Variants in RUNX1T1 observed in about 807,000 individuals in gnomAD.
RUNX1T1 encodes protein CBFA2T1.
A neutral mutation model predicts 62.8 loss-of-function variants in RUNX1T1; 4 were observed. That is an observed-to-expected ratio of 0.06 (90% CI 0.03 to 0.15). The LOEUF is 0.15. Ranked by LOEUF, RUNX1T1 falls within the 10% of genes least tolerant of loss-of-function variation. RUNX1T1 has a pLI of 1.00. For missense variants in RUNX1T1, 508 were observed against 754.3 expected (o/e 0.67, Z 3.82); for synonymous variants, 291 against 286.0 (o/e 1.02, Z -0.18).
intron 1 of RUNX1T1, among the ~76,000 whole-genome samples, chr8:92,059,145 A>G (rs1831501329): frequency 6.6e-6 from 1 of 152,206 alleles, no homozygotes. Context: ...ATCTACATTT[A>G]TAATTGGGTA....
chr8:91,959,459 T>TGC (rs1809953009), exon 11 of RUNX1T1: 1 of 124,308 alleles, frequency 8.0e-6, no homozygotes, highest in African/African-American at 6.8e-5. Flanking sequence ...TGTGTGTGTG[T>TGC]GTGTGTGTAT....
intron 1 of RUNX1T1, among the ~76,000 whole-genome samples, chr8:92,036,045 G>A (rs888053036): frequency 6.6e-6 from 1 of 152,050 alleles, no homozygotes; most frequent in Non-Finnish European, 1.5e-5. Context: ...CTGTAAATAT[G>A]GGTATATATG....
At chr8:92,044,491 G>C (rs999668497) in intron 1 of RUNX1T1, among the ~76,000 whole-genome samples, 15 of 152,194 alleles carry the variant, frequency 9.9e-5, no homozygotes, top group African/African-American at 3.6e-4. Context: ...GTCTATCCAA[G>C]AGATGGCAAA....
At chr8:92,065,322 T>C (rs1832716330), upstream of RUNX1T1, among the ~76,000 whole-genome samples, 1 of 152,190 alleles carries the variant, frequency 6.6e-6, no homozygotes, top group Non-Finnish European at 1.5e-5. Flanking sequence ...AAAAGTTTTC[T>C]CCAGTACAAA....
At chr8:91,960,697 G>A (rs1810248038) in intron 10 of RUNX1T1, among the ~76,000 whole-genome samples, 180 bp from the exon 12 acceptor site, 1 of 152,164 alleles carries the variant, frequency 6.6e-6, no homozygotes, top group African/African-American at 2.4e-5. Context: ...GGTTTTGATG[G>A]GATGGTTGTC....
In RUNX1T1 at chr8:92,083,063, A is replaced by G. The variant is rs528911779; in HGVS notation, c.-85-6926T>C. The stretch of plus-strand genomic sequence containing the variant: ...TCATAAAAATGTCCATATACATAAA[A>G]TTTTGCTTATAATTTCAAGAAGCTT... On this transcript the variant is annotated intron_variant, in intron 1 of 11. Transcript: ENST00000265814. Among the ~76,000 whole-genome samples, 4 of 152,304 alleles carry G rather than the reference A, an allele frequency of 2.6e-5. No homozygotes were observed. In the South Asian group the frequency reaches 8.3e-4, roughly 32 times the overall value.
At position 92,060,551 on chromosome 8, in the gene RUNX1T1, ATATG is replaced by A. The variant is rs1240995061; in HGVS notation, c.7+1991_7+1994del. Among the ~76,000 whole-genome samples the A allele has an allele frequency of 5.8e-3, 552 of 95,212 alleles. 3 individuals are homozygous for A. Among genetic ancestry groups the A allele is most frequent in the East Asian group, 0.02 (67 of 3,298 alleles). The allele number at this position is 95,212 out of a possible 152,430, so 62.5% of individuals were successfully genotyped here. A position where few individuals can be genotyped will look rare whatever the true frequency, so the allele number is the denominator to read the frequency against. The stretch of plus-strand genomic sequence containing the variant: ...TATATATATATATATATATATATAT[ATATG>A]TGTGTGTGTGTGTGTGTGTGTGTGT... On this transcript the variant is annotated intron_variant, in intron 1 of 10. Transcript: ENST00000396218.
At chr8:92,050,418 T>C (rs1296381872) in intron 1 of RUNX1T1, among the ~76,000 whole-genome samples, 2 of 152,212 alleles carry the variant, frequency 1.3e-5, no homozygotes, top group African/African-American at 4.8e-5. Context: ...AGTTTTATTA[T>C]GATCCCTATG....
intron 2 of RUNX1T1, among the ~76,000 whole-genome samples, chr8:92,016,126 T>C (rs1822948185): frequency 6.6e-6 from 1 of 152,226 alleles, no homozygotes; most frequent in African/African-American, 2.4e-5. Flanking sequence ...GTGTGCAAAA[T>C]AGCTGCAACC....
At chr8:92,007,643 T>C (rs920109430) in intron 4 of RUNX1T1, among the ~76,000 whole-genome samples, 8 of 152,132 alleles carry the variant, frequency 5.3e-5, no homozygotes, top group Admixed American at 2.0e-4. Context: ...GCTATAAACA[T>C]GTACAGCATG....
chr8:92,001,204 T>A (rs937110758), intron 5 of RUNX1T1, among the ~76,000 whole-genome samples: 2 of 152,032 alleles, frequency 1.3e-5, no homozygotes, highest in African/African-American at 4.8e-5. Flanking sequence ...ATCCATAAAT[T>A]TAAAATATGT....
chr8:91,975,994 GGGTGGAGAGA>G, intron 8 of RUNX1T1, 21 bp from the exon 10 acceptor site: 2 of 1,586,362 alleles, frequency 1.3e-6, no homozygotes, highest in South Asian at 1.1e-5. Context: ...GATGGGAAGG[GGGTGGAGAGA>G]GGAGGAGAGT....
intron 5 of RUNX1T1, among the ~76,000 whole-genome samples, chr8:92,002,266 T>C (rs1819903181): frequency 6.6e-6 from 1 of 152,112 alleles, no homozygotes; most frequent in Non-Finnish European, 1.5e-5. Context: ...CAGTAACACT[T>C]GTTCAGAGAC....
intron 8 of RUNX1T1, among the ~76,000 whole-genome samples, chr8:91,981,403 G>GTTT (rs1815212744): frequency 1.9e-5 from 2 of 106,186 alleles, no homozygotes; most frequent in African/African-American, 3.6e-5. Context: ...AAGTTACTAA[G>GTTT]CTTTTTTTTT....
At chr8:91,972,804 T>C (rs1197559009) in intron 9 of RUNX1T1, among the ~76,000 whole-genome samples, 1 of 152,088 alleles carries the variant, frequency 6.6e-6, no homozygotes, top group African/African-American at 2.4e-5. Flanking sequence ...GCAAGGTGCT[T>C]GAATATTTAT....
chr8:92,026,077 C>T (rs1415101624), intron 1 of RUNX1T1, among the ~76,000 whole-genome samples: 1 of 152,176 alleles, frequency 6.6e-6, no homozygotes, highest in Non-Finnish European at 1.5e-5. Context: ...CAAAGACATA[C>T]TTTTTTCTAC....
intron 1 of RUNX1T1, chr8:92,081,301 A>G: frequency 1.1e-6 from 1 of 915,396 alleles, no homozygotes; most frequent in Non-Finnish European, 1.3e-6. Context: ...ATACTAGAAA[A>G]GAGGTAGTAC....
rs147175590 is a variant in RUNX1T1, at chr8:92,005,149, A to G, written c.626T>C (p.Val209Ala). The G allele has an allele frequency of 6.3e-5, 101 of 1,611,808 alleles. No individual in the cohort carries two copies. The highest frequency in any genetic ancestry group is 8.4e-5 in the Non-Finnish European group (99 of 1,179,346). ...AGTTCGCCTCTTCCCGTTTTCGTTCACATCGAGAAGCAGCTCTGAGGAGTC... is the reference window on the plus strand; with the variant it reads ...AGTTCGCCTCTTCCCGTTTTCGTTCGCATCGAGAAGCAGCTCTGAGGAGTC... Residue 209 changes from valine (V) to alanine (A), a missense_variant, in exon 5 of 11, where the codon GTG becomes GCG. Physicochemically the swap from Val to Ala is moderately conservative, Grantham distance 64 (BLOSUM62 0). Around this residue, in one of 7 missense-constraint regions of RUNX1T1, gnomAD observed 167 missense variants for 208.6 expected, o/e 0.80. Transcript: ENST00000396218.
At chr8:92,037,417 C>G (rs1327760870) in intron 1 of RUNX1T1, among the ~76,000 whole-genome samples, 1 of 152,196 alleles carries the variant, frequency 6.6e-6, no homozygotes, top group Non-Finnish European at 1.5e-5. Flanking sequence ...GTGACTCATG[C>G]CTGTAATCCC....
Sources: gnomAD v4.1 joint callset for allele counts (sites outside exome capture counted in the v4.1 genomes callset) on GRCh38, gnomAD v4.1.1 for gene constraint, gnomAD v4.1.1 regional missense constraint, MANE v1.5 for transcripts, NCBI Gene and HGNC (gene_info 2026-07-23, HGNC 2026-07-21) for gene names.